IGSF5: variants seen among roughly 807,000 people sequenced by gnomAD.
The protein encoded by IGSF5 is immunoglobulin superfamily member 5, also known as immunoglobulin superfamily 5 like.
A neutral mutation model predicts 39.4 loss-of-function variants in IGSF5; 41 were observed. That is an observed-to-expected ratio of 1.04 (90% CI 0.81 to 1.35). The LOEUF (loss-of-function observed/expected upper bound fraction) is 1.35, where lower values mean the gene tolerates loss of function less well. Among genes scored for constraint, IGSF5 ranks in the 40% most tolerant of loss-of-function variants. The probability of loss-of-function intolerance (pLI) is 0.00; values close to 1 mark genes in which losing one functional copy is unlikely to be tolerated. For missense variants in IGSF5, 487 were observed against 494.6 expected, an observed-to-expected ratio of 0.98 and a Z score of 0.15; for synonymous variants, 183 against 175.3, an observed-to-expected ratio of 1.04 and a Z score of -0.34.
In IGSF5 at chr21:39,779,376, C is replaced by T. The variant is rs188177258; in HGVS notation, c.934+71C>T. The T allele has an allele frequency of 1.0e-4, 155 of 1,541,260 alleles. 2 individuals are homozygous for T. The East Asian group carries it at 3.0e-3, about 30-fold the overall frequency. On this transcript the variant is annotated intron_variant, in intron 5 of 8. Transcript: ENST00000380588. Reference sequence around the variant, plus strand: ...GGTACAAGCAGTTGAAGTTAATGAACTCATCAGCTCTTTCAAAAGATAGAT... The same window carrying T: ...GGTACAAGCAGTTGAAGTTAATGAATTCATCAGCTCTTTCAAAAGATAGAT...
chr21:39,782,331 C>T (rs936232902), intron 5 of IGSF5, among the ~76,000 whole-genome samples: 1 of 152,120 alleles, frequency 6.6e-6, no homozygotes, highest in African/African-American at 2.4e-5. Flanking sequence ...ATTGTTAAAA[C>T]TTGTTTATTT....
At chr21:39,778,046 AG>A (rs2080149842) in intron 4 of IGSF5, among the ~76,000 whole-genome samples, 2 of 152,216 alleles carry the variant, frequency 1.3e-5, no homozygotes, top group Admixed American at 1.3e-4. Flanking sequence ...CGCAGGGTTG[AG>A]TGACAGCCTT....
At chr21:39,772,407 G>A (rs755854650) in intron 4 of IGSF5, among the ~76,000 whole-genome samples, 3 of 152,306 alleles carry the variant, frequency 2.0e-5, no homozygotes, top group Middle Eastern at 3.4e-3. Flanking sequence ...CATGGCTGCC[G>A]TAACGGAGGA....
intron 3 of IGSF5, among the ~76,000 whole-genome samples, chr21:39,768,193 T>A (rs1316508419): frequency 6.6e-6 from 1 of 152,190 alleles, no homozygotes; most frequent in Non-Finnish European, 1.5e-5. Context: ...CTGAACTTCA[T>A]CCCTTTATCC....
chr21:39,753,116 G>T (rs1400682416), intron 2 of IGSF5, among the ~76,000 whole-genome samples: 2 of 152,036 alleles, frequency 1.3e-5, no homozygotes, highest in Non-Finnish European at 2.9e-5. Flanking sequence ...AGAATTCTTA[G>T]AGTTTTGGAT....
chr21:39,744,667 G>C (rs1004836909), upstream of IGSF5, among the ~76,000 whole-genome samples: 1 of 152,222 alleles, frequency 6.6e-6, no homozygotes, highest in South Asian at 2.1e-4. Flanking sequence ...ATTATCAGCG[G>C]TTGGAGTTAC....
chr21:39,794,396 C>CTGGT (rs1311955787), intron 8 of IGSF5, among the ~76,000 whole-genome samples: 1 of 152,098 alleles, frequency 6.6e-6, no homozygotes, highest in African/African-American at 2.4e-5. Context: ...GCTGTAGATA[C>CTGGT]TGGTTGGTTG....
In IGSF5 at chr21:39,763,210, G is replaced by A. The variant is rs77736991; in HGVS notation, c.101-2325G>A. On this transcript the variant is annotated intron_variant, in intron 2 of 8. Coordinates refer to ENST00000380588, the MANE Select transcript of IGSF5 (RefSeq NM_001080444.2). ...GTTTGTTCTAGCAAGGACATTAACT[G>A]TCCTCCAGTGTTTATTCTGAAGAAA... Among the ~76,000 whole-genome samples, 278 of 152,262 alleles carry A rather than the reference G, an allele frequency of 1.8e-3. 3 individuals carry two copies. The highest frequency in any genetic ancestry group is 6.1e-3 in the African/African-American group (255 of 41,554).
chr21:39,777,476 G>A (rs984831328), intron 4 of IGSF5, among the ~76,000 whole-genome samples: 1 of 152,154 alleles, frequency 6.6e-6, no homozygotes, highest in African/African-American at 2.4e-5. Context: ...GGGGATAAAT[G>A]TGCTCTCTGC....
chr21:39,745,770 G>A (rs565251339), intron 1 of IGSF5, among the ~76,000 whole-genome samples: 16 of 152,120 alleles, frequency 1.1e-4, no homozygotes, highest in Non-Finnish European at 1.5e-4. Flanking sequence ...TAAGTCAGGC[G>A]GCCACGCTAA....
At chr21:39,790,841 A>G (rs1218315448) in intron 6 of IGSF5, among the ~76,000 whole-genome samples, 1 of 152,258 alleles carries the variant, frequency 6.6e-6, no homozygotes, top group Non-Finnish European at 1.5e-5. Context: ...GAAAAAATAT[A>G]CAACAGTAAA....
In IGSF5 at chr21:39,745,192, T is replaced by G. The variant is rs367567546; in HGVS notation, c.-318T>G. On this transcript the variant is annotated 5_prime_UTR_variant, in exon 1 of 9. Coordinates refer to ENST00000380588, the MANE Select transcript of IGSF5 (RefSeq NM_001080444.2). ...CTCTCTCTCCATCTCTCTCTCTCCGTGTCTCTCTCTTAGCCATTACAAACT... is the reference window on the plus strand; with the variant it reads ...CTCTCTCTCCATCTCTCTCTCTCCGGGTCTCTCTCTTAGCCATTACAAACT... 1.2e-4 allele frequency among the ~76,000 whole-genome samples: 19 copies of G among 152,024 alleles called. No individual in the cohort carries two copies. Among genetic ancestry groups the G allele is most frequent in the African/African-American group, 4.6e-4 (19 of 41,518 alleles).
intron 2 of IGSF5, among the ~76,000 whole-genome samples, chr21:39,753,109 A>AT (rs1569247891): frequency 2.0e-5 from 3 of 152,058 alleles, no homozygotes; most frequent in African/African-American, 7.2e-5. Flanking sequence ...ATTTTCTAGA[A>AT]TTCTTAGAGT....
Position 39,792,020 on chromosome 21 carries a change from A to G in IGSF5, c.969A>G (p.Lys323=). The G allele has an allele frequency of 6.2e-7, 1 of 1,607,394 alleles. No individual in the cohort carries two copies. ...FRIQFQKKSE[K]EKTNKETETE... Reference sequence around the variant, plus strand: ...GGTCTAATTGTAGGAAATCTGAAAAAGAGAAGACAAACAAAGAAACTGAGA... The same window carrying G: ...GGTCTAATTGTAGGAAATCTGAAAAGGAGAAGACAAACAAAGAAACTGAGA... The change falls in exon 7 of 9, where the codon AAA becomes AAG. Residue 323 remains lysine (K), a synonymous_variant. Coordinates refer to ENST00000380588, the MANE Select transcript of IGSF5 (RefSeq NM_001080444.2).
Position 39,765,701 on chromosome 21 carries a change from C to T in IGSF5, c.267C>T (p.Thr89=). The change falls in exon 3 of 9, where the codon ACC becomes ACT. Residue 89 remains threonine, a synonymous_variant. Coordinates refer to ENST00000380588, the MANE Select transcript of IGSF5 (RefSeq NM_001080444.2). Reference sequence around the variant, plus strand: ...TCAGGCCCATGGAGCCCATCATCACCAATGACCGCTTCACCTCTCAGAGGT... The same window carrying T: ...TCAGGCCCATGGAGCCCATCATCACTAATGACCGCTTCACCTCTCAGAGGT... ...LSVRPMEPII[T]NDRFTSQRYD... is the part of the protein sequence containing the mutation. 1 of 1,614,116 alleles carries T rather than the reference C, an allele frequency of 6.2e-7. No homozygotes were observed.
intron 2 of IGSF5, among the ~76,000 whole-genome samples, chr21:39,763,035 G>A (rs752072178): frequency 2.9e-4 from 44 of 152,028 alleles, no homozygotes; most frequent in Non-Finnish European, 5.1e-4. Flanking sequence ...TGGGATTCAG[G>A]GTCTTCTTTA....
chr21:39,712,939 C>G, the IGSF5 span, among the ~76,000 whole-genome samples: 1 of 152,142 alleles, frequency 6.6e-6, no homozygotes, highest in Admixed American at 6.5e-5. Context: ...GTTTTAACCT[C>G]GGGCCACTTT....
chr21:39,719,432 G>T, the IGSF5 span, among the ~76,000 whole-genome samples: 2 of 152,170 alleles, frequency 1.3e-5, no homozygotes, highest in African/African-American at 2.4e-5. Flanking sequence ...GGTGTAGGGG[G>T]TGCCTGTGTT....
At chr21:39,712,838 A>G in the IGSF5 span, among the ~76,000 whole-genome samples, 2 of 152,186 alleles carry the variant, frequency 1.3e-5, no homozygotes, top group Non-Finnish European at 2.9e-5. Context: ...GACCATTCAC[A>G]GGCCTCCTTG....
Sources: allele counts gnomAD v4.1 joint callset (sites outside exome capture counted in the v4.1 genomes callset), GRCh38; gene constraint gnomAD v4.1.1; transcripts MANE v1.5; gene names NCBI Gene and HGNC (gene_info 2026-07-23, HGNC 2026-07-21).